GALNT13: variants seen among roughly 807,000 people sequenced by gnomAD.
The protein encoded by GALNT13 is polypeptide N-acetylgalactosaminyltransferase 13.
GALNT13 carries 28 observed loss-of-function variants against 64.2 expected under a neutral mutation model. That is an observed-to-expected ratio of 0.44 (90% CI 0.32 to 0.60). GALNT13 has a LOEUF of 0.60. Ranked by LOEUF, GALNT13 falls within the 20% of genes least tolerant of loss-of-function variation. The probability of loss-of-function intolerance (pLI) is 0.05; values close to 1 mark genes in which losing one functional copy is unlikely to be tolerated. For synonymous variants in GALNT13, 214 were observed against 224.6 expected (o/e 0.95, Z 0.42); for missense variants, 577 against 669.8 (o/e 0.86, Z 1.53).
intron 2 of GALNT13, among the ~76,000 whole-genome samples, chr2:153,913,399 T>C (rs1689116751): frequency 6.6e-6 from 1 of 152,156 alleles, no homozygotes; most frequent in African/African-American, 2.4e-5. Flanking sequence ...ACACATGTCC[T>C]GTCTCATGGG....
intron 3 of GALNT13, among the ~76,000 whole-genome samples, chr2:153,959,638 A>G (rs1440030289): frequency 6.6e-6 from 1 of 152,226 alleles, no homozygotes; most frequent in East Asian, 1.9e-4. Context: ...AAGGAAGGGC[A>G]GAGGGGATAC....
chr2:154,009,838 G>A (rs1387610031), intron 3 of GALNT13, among the ~76,000 whole-genome samples: 1 of 152,028 alleles, frequency 6.6e-6, no homozygotes, highest in Non-Finnish European at 1.5e-5. Flanking sequence ...TGATTTCTTT[G>A]AGCAGGGTTT....
At chr2:153,792,271 G>GTA in the GALNT13 span, among the ~76,000 whole-genome samples, 1 of 150,994 alleles carries the variant, frequency 6.6e-6, no homozygotes, top group Non-Finnish European at 1.5e-5. Context: ...TTCCATGGTT[G>GTA]CATTTATACT....
intron 3 of GALNT13, among the ~76,000 whole-genome samples, chr2:154,131,281 G>T (rs1482007740): frequency 6.6e-6 from 1 of 152,112 alleles, no homozygotes; most frequent in Non-Finnish European, 1.5e-5. Context: ...TGTATTAGTA[G>T]AATATATTAT....
chr2:153,411,517 A>T, the GALNT13 span, among the ~76,000 whole-genome samples: 2 of 152,180 alleles, frequency 1.3e-5, no homozygotes, highest in African/African-American at 4.8e-5. Context: ...ATGAGAATGT[A>T]TGCATGACAC....
the GALNT13 span, among the ~76,000 whole-genome samples, chr2:153,302,612 T>C: frequency 1.3e-5 from 2 of 152,116 alleles, no homozygotes; most frequent in African/African-American, 4.8e-5. Flanking sequence ...TAAGTTCATA[T>C]GCAGAAAAGT....
intron 4 of GALNT13, among the ~76,000 whole-genome samples, chr2:154,163,712 C>T (rs1363559321): frequency 6.6e-6 from 1 of 152,096 alleles, no homozygotes; most frequent in African/African-American, 2.4e-5. Flanking sequence ...TATAGATGAA[C>T]ACCCTAAGAA....
the GALNT13 span, among the ~76,000 whole-genome samples, chr2:153,203,770 C>T: frequency 6.6e-6 from 1 of 152,130 alleles, no homozygotes; most frequent in Non-Finnish European, 1.5e-5. Context: ...GGTAAAATCT[C>T]ACTTACAGAT....
chr2:154,134,259 A>G (rs1163129054), intron 3 of GALNT13, among the ~76,000 whole-genome samples: 1 of 152,232 alleles, frequency 6.6e-6, no homozygotes, highest in South Asian at 2.1e-4. Context: ...GATGTAAAAG[A>G]GCTATAAAAT....
chr2:154,449,854 T>A (rs550344573), intron 12 of GALNT13, among the ~76,000 whole-genome samples: 1 of 152,148 alleles, frequency 6.6e-6, no homozygotes, highest in East Asian at 1.9e-4. Context: ...CAGACCAAAC[T>A]ATTGTAAGGA....
chr2:153,814,252 A>G, the GALNT13 span, among the ~76,000 whole-genome samples: 19 of 152,126 alleles, frequency 1.2e-4, no homozygotes, highest in Non-Finnish European at 2.4e-4. Flanking sequence ...CATCCTGGCT[A>G]ACATGGTGAA....
chr2:154,072,507 C>T (rs2105392948), intron 3 of GALNT13, among the ~76,000 whole-genome samples: 1 of 152,110 alleles, frequency 6.6e-6, no homozygotes. Context: ...TAAGATTTGG[C>T]TCAAAACATC....
the GALNT13 span, among the ~76,000 whole-genome samples, chr2:153,675,479 G>A: frequency 2.6e-5 from 4 of 152,106 alleles, no homozygotes; most frequent in Admixed American, 2.6e-4. Flanking sequence ...TCATTCATAA[G>A]TGGGAGTTGA....
chr2:154,209,098 A>C (rs546107053), intron 4 of GALNT13, among the ~76,000 whole-genome samples: 15 of 151,832 alleles, frequency 9.9e-5, no homozygotes, highest in African/African-American at 3.6e-4. Flanking sequence ...CAAAAACAGG[A>C]AGAATTATAT....
At chr2:153,177,976 C>T in the GALNT13 span, among the ~76,000 whole-genome samples, 64 of 152,188 alleles carry the variant, frequency 4.2e-4, no homozygotes, top group Admixed American at 2.5e-3. Context: ...TTTGTTTTTC[C>T]GTGACTGACT....
At chr2:154,428,344 A>G (rs1700558121) in intron 11 of GALNT13, among the ~76,000 whole-genome samples, 1 of 152,210 alleles carries the variant, frequency 6.6e-6, no homozygotes, top group African/African-American at 2.4e-5. Context: ...AATTCGATAT[A>G]TATCAAACTG....
chr2:153,932,752 C>T (rs1161152750), intron 2 of GALNT13, among the ~76,000 whole-genome samples: 1 of 151,564 alleles, frequency 6.6e-6, no homozygotes, highest in Non-Finnish European at 1.5e-5. Context: ...CTTAGCCTTC[C>T]CAGTAGCTGG....
chr2:153,863,452 T>C, the GALNT13 span, among the ~76,000 whole-genome samples: 1 of 152,094 alleles, frequency 6.6e-6, no homozygotes, highest in East Asian at 1.9e-4. Flanking sequence ...TTATAGTTAG[T>C]ATGCTGGAAT....
At chr2:154,280,910 C>G (rs976959749) in intron 8 of GALNT13, among the ~76,000 whole-genome samples, 2 of 152,180 alleles carry the variant, frequency 1.3e-5, no homozygotes, top group Admixed American at 6.5e-5. Context: ...ATTCAGTTTT[C>G]AAATTTACAT....
Sources: gnomAD v4.1 joint callset for allele counts (sites outside exome capture counted in the v4.1 genomes callset) on GRCh38, gnomAD v4.1.1 for gene constraint, MANE v1.5 for transcripts, NCBI Gene and HGNC (gene_info 2026-07-23, HGNC 2026-07-21) for gene names.